RIMS1: variants seen among roughly 807,000 people sequenced by gnomAD.
RIMS1 encodes the protein regulating synaptic membrane exocytosis protein 1.
In RIMS1, 83 loss-of-function variants were observed where a neutral mutation model predicts 214.1. The ratio of observed to expected loss-of-function variants is 0.39; its 90% confidence interval spans 0.32 to 0.47. The LOEUF (loss-of-function observed/expected upper bound fraction) is 0.47. RIMS1 is among the 20% of genes least tolerant of loss of function. The probability of loss-of-function intolerance (pLI) is 0.99; values close to 1 mark genes in which losing one functional copy is unlikely to be tolerated. For synonymous variants in RIMS1, 793 were observed against 786.8 expected (o/e 1.01, Z -0.13); for missense variants, 2,050 against 2,161.8 (o/e 0.95, Z 1.03).
chr6:72,288,897 T>C (rs985168691), intron 24 of RIMS1, among the ~76,000 whole-genome samples: 4 of 152,090 alleles, frequency 2.6e-5, no homozygotes, highest in Admixed American at 1.3e-4. Context: ...AAAAAACATA[T>C]ATTGTGCTAA....
At chr6:72,370,173 C>T (rs2098170996) in intron 29 of RIMS1, among the ~76,000 whole-genome samples, 1 of 152,142 alleles carries the variant, frequency 6.6e-6, no homozygotes, top group Non-Finnish European at 1.5e-5. Flanking sequence ...CTGTTTTCCA[C>T]CTGTATTTGG....
intron 6 of RIMS1, among the ~76,000 whole-genome samples, chr6:72,200,679 A>G (rs968463455): frequency 8.5e-5 from 13 of 152,158 alleles, no homozygotes; most frequent in African/African-American, 3.1e-4. Flanking sequence ...AAGGATAAAC[A>G]ATTCTCCCTC....
chr6:72,011,980 G>A (rs1266774667), intron 2 of RIMS1, among the ~76,000 whole-genome samples: 1 of 152,160 alleles, frequency 6.6e-6, no homozygotes, highest in Non-Finnish European at 1.5e-5. Context: ...CCATTACTGG[G>A]TATATACCCA....
chr6:72,231,956 G>A (rs1317381625), intron 6 of RIMS1, among the ~76,000 whole-genome samples: 1 of 151,654 alleles, frequency 6.6e-6, no homozygotes, highest in Non-Finnish European at 1.5e-5. Context: ...GCATGAACCA[G>A]AGAAGAATCC....
At chr6:71,893,935 C>T (rs1416631034) in intron 1 of RIMS1, among the ~76,000 whole-genome samples, 1 of 152,070 alleles carries the variant, frequency 6.6e-6, no homozygotes, top group African/African-American at 2.4e-5. Context: ...TATGGTAACC[C>T]CTTCTCTCAA....
intron 1 of RIMS1, among the ~76,000 whole-genome samples, chr6:71,889,381 T>C (rs1768899603): frequency 6.6e-6 from 1 of 152,234 alleles, no homozygotes. Flanking sequence ...GTCTAACACA[T>C]CTTTTCCGCT....
rs140224979 is a variant in RIMS1, at chr6:72,195,559, G to C, written c.1678+12410G>C. Among the ~76,000 whole-genome samples, 24 of 152,180 alleles carry C rather than the reference G, an allele frequency of 1.6e-4. No individual in the cohort carries two copies. The East Asian group carries it at 3.5e-3, about 22-fold the overall frequency. ...GGCAATATGAATAATTGCCTGTTAA[G>C]TTTGGGTACCTGACAATCATTGGAG... On this transcript the variant is annotated intron_variant, in intron 6 of 33. Transcript: ENST00000521978.
chr6:71,983,426 G>T (rs1485911871), intron 2 of RIMS1, among the ~76,000 whole-genome samples: 1 of 151,304 alleles, frequency 6.6e-6, no homozygotes, highest in Non-Finnish European at 1.5e-5. Context: ...AGTCAGTATT[G>T]TATAATCAGA....
At chr6:72,098,515 G>A (rs1353453081) in intron 3 of RIMS1, among the ~76,000 whole-genome samples, 3 of 151,876 alleles carry the variant, frequency 2.0e-5, no homozygotes, top group East Asian at 1.9e-4. Flanking sequence ...GGCTGATCTC[G>A]AACTCCTGAC....
intron 2 of RIMS1, among the ~76,000 whole-genome samples, chr6:71,980,076 C>T (rs547018599): frequency 1.3e-5 from 2 of 152,224 alleles, no homozygotes; most frequent in Admixed American, 6.6e-5. Context: ...GCTATTTCCT[C>T]TGCTCTTCTA....
intron 1 of RIMS1, among the ~76,000 whole-genome samples, chr6:71,896,572 A>G (rs1456975538): frequency 2.0e-5 from 3 of 152,146 alleles, no homozygotes; most frequent in African/African-American, 7.2e-5. Flanking sequence ...TAAACATGGT[A>G]CCAGGCCACA....
At chr6:72,068,998 C>A (rs1829986169) in intron 2 of RIMS1, among the ~76,000 whole-genome samples, 1 of 142,464 alleles carries the variant, frequency 7.0e-6, no homozygotes, top group African/African-American at 2.4e-5. Context: ...GAGGAAACCT[C>A]CAGAAATAAC....
chr6:72,010,065 G>A (rs1274618514), intron 2 of RIMS1, among the ~76,000 whole-genome samples: 4 of 152,054 alleles, frequency 2.6e-5, no homozygotes, highest in Admixed American at 1.3e-4. Flanking sequence ...GATGAACATC[G>A]ATGCAAAAAT....
chr6:72,332,406 A>G (rs969657448), intron 28 of RIMS1, among the ~76,000 whole-genome samples: 1 of 151,670 alleles, frequency 6.6e-6, no homozygotes, highest in Non-Finnish European at 1.5e-5. Flanking sequence ...TAAGAATCCT[A>G]ACATCATTCT....
chr6:72,152,406 G>A (rs1283957392), intron 4 of RIMS1, among the ~76,000 whole-genome samples: 4 of 152,126 alleles, frequency 2.6e-5, no homozygotes, highest in African/African-American at 9.7e-5. Flanking sequence ...AGTGACAGAG[G>A]TGACTCTTAG....
intron 22 of RIMS1, among the ~76,000 whole-genome samples, chr6:72,271,363 T>A (rs1281318869): frequency 2.0e-5 from 3 of 147,368 alleles, no homozygotes; most frequent in African/African-American, 7.4e-5. Context: ...AGGGAAAAAA[T>A]TTTAAGGACT....
chr6:72,287,536 G>A (rs561016949), intron 24 of RIMS1, among the ~76,000 whole-genome samples: 1 of 152,012 alleles, frequency 6.6e-6, no homozygotes, highest in Non-Finnish European at 1.5e-5. Flanking sequence ...ATACATACTT[G>A]AAGATGGTAA....
intron 2 of RIMS1, among the ~76,000 whole-genome samples, chr6:72,086,964 C>T (rs1453146283): frequency 1.3e-5 from 2 of 152,164 alleles, no homozygotes; most frequent in African/African-American, 4.8e-5. Context: ...GGCCTTCATT[C>T]ACAGGTGATA....
intron 1 of RIMS1, among the ~76,000 whole-genome samples, chr6:71,911,332 T>A (rs1255037388): frequency 2.0e-5 from 3 of 152,152 alleles, no homozygotes; most frequent in African/African-American, 4.8e-5. Context: ...GGGTAGAAGA[T>A]CTTTAGGCTG....
Sources: gnomAD v4.1 joint callset for allele counts (sites outside exome capture counted in the v4.1 genomes callset) on GRCh38, gnomAD v4.1.1 for gene constraint, MANE v1.5 for transcripts, NCBI Gene and HGNC (gene_info 2026-07-23, HGNC 2026-07-21) for gene names.